Variants in FTO observed in about 807,000 individuals in gnomAD.
FTO encodes the protein alpha-ketoglutarate-dependent dioxygenase FTO.
Under a neutral mutation model 63.9 loss-of-function variants are expected in FTO, and 47 were observed. That is an observed-to-expected ratio of 0.74 (90% CI 0.58 to 0.94). The LOEUF is 0.94. Ranked by LOEUF, FTO falls within the 40% of genes least tolerant of loss-of-function variation. The pLI is 0.00. For synonymous variants in FTO, 207 were observed against 224.4 expected (o/e 0.92, Z 0.69); for missense variants, 562 against 618.1 (o/e 0.91, Z 0.96).
At chr16:54,062,046 G>A (rs2085589514) in intron 8 of FTO, among the ~76,000 whole-genome samples, 1 of 152,160 alleles carries the variant, frequency 6.6e-6, no homozygotes, top group African/African-American at 2.4e-5. Context: ...TTCCTTCCAA[G>A]TAACATGGCC....
intron 1 of FTO, among the ~76,000 whole-genome samples, chr16:53,755,489 G>A (rs866611603): frequency 3.9e-5 from 6 of 152,252 alleles, no homozygotes; most frequent in Middle Eastern, 3.4e-3. Context: ...CATATATTTC[G>A]GTGGCTCTTC....
intron 4 of FTO, among the ~76,000 whole-genome samples, chr16:53,862,788 A>G (rs1368966256): frequency 6.6e-6 from 1 of 151,960 alleles, no homozygotes; most frequent in South Asian, 2.1e-4. Flanking sequence ...TAAGTAATCC[A>G]TCTGCCTTGG....
At chr16:54,019,995 T>C (rs1178685939) in intron 8 of FTO, among the ~76,000 whole-genome samples, 1 of 152,166 alleles carries the variant, frequency 6.6e-6, no homozygotes, top group Admixed American at 6.6e-5. Context: ...CTCAAAAAAA[T>C]TTGGAAAATT....
At position 53,704,233 on chromosome 16, in the gene FTO, T is replaced by G. The variant is rs745470696; in HGVS notation, c.45+4T>G. On this transcript the variant is annotated splice_donor_region_variant and intron_variant, in intron 1 of 8. Coordinates refer to ENST00000471389, the MANE Select transcript of FTO (RefSeq NM_001080432.3). Reference sequence around the variant, plus strand: ...GGAACGAGAGCGCGAAGCTAAGGTATGTCGGGCTCCCGGGGCCTGGAGATC... The same window carrying G: ...GGAACGAGAGCGCGAAGCTAAGGTAGGTCGGGCTCCCGGGGCCTGGAGATC... The G allele has an allele frequency of 6.4e-7, 1 of 1,551,394 alleles. No homozygotes were observed.
chr16:53,782,208 G>C (rs1304166089), intron 1 of FTO, among the ~76,000 whole-genome samples: 2 of 152,208 alleles, frequency 1.3e-5, no homozygotes, highest in Non-Finnish European at 2.9e-5. Context: ...GCTTTCTGCA[G>C]TCTCTTAATA....
intron 1 of FTO, among the ~76,000 whole-genome samples, chr16:53,720,287 C>T (rs977727294): frequency 2.8e-4 from 43 of 152,058 alleles, no homozygotes; most frequent in African/African-American, 9.9e-4. Context: ...AACTCCCTTC[C>T]CTGCTTCATC....
chr16:53,900,990 GC>G (rs1282851776), intron 7 of FTO, among the ~76,000 whole-genome samples: 1 of 152,072 alleles, frequency 6.6e-6, no homozygotes, highest in Non-Finnish European at 1.5e-5. Context: ...TTAATGACTG[GC>G]TTCCTATCAA....
intron 8 of FTO, among the ~76,000 whole-genome samples, chr16:54,080,978 C>T (rs985712243): frequency 3.3e-5 from 5 of 152,120 alleles, no homozygotes; most frequent in East Asian, 1.9e-4. Context: ...AACCCACAAG[C>T]GAAGCAAAAC....
rs982757410 is a variant in FTO, at chr16:53,855,895, G to C, written c.895+11597G>C. Among the ~76,000 whole-genome samples, 78 of 152,084 alleles carry C rather than the reference G, an allele frequency of 5.1e-4. 2 individuals are homozygous for C. The highest frequency in any genetic ancestry group is 4.4e-5 in the Non-Finnish European group (3 of 68,020). On this transcript the variant is annotated intron_variant, in intron 4 of 8. Transcript: ENST00000471389. ...AAAATAATGTGTTGGTTTCTTTTAG[G>C]CTGAGGAGGAATGTTTTACTATGCA...
chr16:53,931,775 A>G (rs971027366), intron 7 of FTO, among the ~76,000 whole-genome samples: 1 of 152,034 alleles, frequency 6.6e-6, no homozygotes, highest in African/African-American at 2.4e-5. Context: ...CCTAAGTTCT[A>G]TTCAGCCCAT....
chr16:54,050,941 A>G (rs2085297409), intron 8 of FTO, among the ~76,000 whole-genome samples: 1 of 152,204 alleles, frequency 6.6e-6, no homozygotes, highest in African/African-American at 2.4e-5. Flanking sequence ...CAGTATGAAA[A>G]CATTCTATGT....
At position 53,926,124 on chromosome 16, in the gene FTO, C is replaced by T. The variant is rs2082132309; in HGVS notation, c.1240-7861C>T. 2.0e-5 allele frequency among the ~76,000 whole-genome samples: 3 copies of T among 152,174 alleles called. No individual in the cohort carries two copies. The South Asian group carries it at 6.2e-4, about 32-fold the overall frequency. On this transcript the variant is annotated intron_variant, in intron 7 of 8. Coordinates refer to ENST00000471389, the MANE Select transcript of FTO (RefSeq NM_001080432.3). ...ATGGAGAAAGTGGGACTTCTTCCTC[C>T]TATACATAACCTCATATTAGGAGGG...
intron 6 of FTO, chr16:53,887,843 G>A (rs1320841934): frequency 1.3e-5 from 2 of 151,912 alleles, no homozygotes; most frequent in Admixed American, 6.6e-5. Flanking sequence ...TGGCTTTGTC[G>A]GTTTAATGTA....
chr16:53,928,363 T>C (rs766631341), intron 7 of FTO, among the ~76,000 whole-genome samples: 4 of 152,186 alleles, frequency 2.6e-5, no homozygotes, highest in Non-Finnish European at 5.9e-5. Flanking sequence ...GGAGACTGTT[T>C]AAAAATTGTT....
chr16:53,963,684 C>T (rs1310830998), intron 8 of FTO, among the ~76,000 whole-genome samples: 1 of 152,200 alleles, frequency 6.6e-6, no homozygotes, highest in Non-Finnish European at 1.5e-5. Flanking sequence ...TTTCCTGAGG[C>T]CTCCCCAGAA....
chr16:53,846,209 T>A (rs1053827448), intron 4 of FTO, among the ~76,000 whole-genome samples: 2 of 152,122 alleles, frequency 1.3e-5, no homozygotes, highest in African/African-American at 2.4e-5. Context: ...TATGTGGGAA[T>A]GTTTTCAGTG....
At chr16:53,728,876 C>A (rs552642475) in intron 1 of FTO, among the ~76,000 whole-genome samples, 1 of 151,430 alleles carries the variant, frequency 6.6e-6, no homozygotes, top group East Asian at 2.0e-4. Flanking sequence ...GATTCTCCTG[C>A]CTCAGCCTCC....
intron 1 of FTO, among the ~76,000 whole-genome samples, chr16:53,771,432 C>G (rs11075986): frequency 0.15 from 22,580 of 152,094 alleles, 2,450 homozygotes; most frequent in East Asian, 0.45. Flanking sequence ...TAGCATCACT[C>G]TCCTGGATCA....
intron 7 of FTO, among the ~76,000 whole-genome samples, chr16:53,921,525 T>C (rs2082006878): frequency 6.6e-6 from 1 of 152,194 alleles, no homozygotes; most frequent in African/African-American, 2.4e-5. Flanking sequence ...TTCTTAGAAG[T>C]AGCGTCTGGG....
Sources: gnomAD v4.1 joint callset for allele counts (sites outside exome capture counted in the v4.1 genomes callset) on GRCh38, gnomAD v4.1.1 for gene constraint, MANE v1.5 for transcripts, NCBI Gene and HGNC (gene_info 2026-07-23, HGNC 2026-07-21) for gene names.